CSTPP1: variants seen among roughly 807,000 people sequenced by gnomAD.
CSTPP1 encodes the protein centriolar satellite-associated tubulin polyglutamylase complex regulator 1.
chr11:47,018,632 A>G, the CSTPP1 span, among the ~76,000 whole-genome samples: 2 of 152,178 alleles, frequency 1.3e-5, no homozygotes, highest in African/African-American at 4.8e-5. Context: ...TGTTGTCCAG[A>G]GTGGCTGTAC....
chr11:46,976,185 A>G, the CSTPP1 span, among the ~76,000 whole-genome samples: 8 of 152,210 alleles, frequency 5.3e-5, no homozygotes, highest in Non-Finnish European at 8.8e-5. Context: ...ATGCTCTAAA[A>G]TTATATGCAA....
the CSTPP1 span, among the ~76,000 whole-genome samples, chr11:47,075,077 A>G: frequency 2.0e-5 from 3 of 152,230 alleles, no homozygotes; most frequent in Non-Finnish European, 4.4e-5. Flanking sequence ...AGAGCACACT[A>G]AAATTGTAAT....
chr11:47,104,474 T>C, the CSTPP1 span, among the ~76,000 whole-genome samples: 1 of 152,184 alleles, frequency 6.6e-6, no homozygotes, highest in African/African-American at 2.4e-5. Flanking sequence ...TTCACATCAT[T>C]TTGTCCTCTC....
At chr11:47,074,371 C>T in the CSTPP1 span, among the ~76,000 whole-genome samples, 1 of 151,100 alleles carries the variant, frequency 6.6e-6, no homozygotes, top group African/African-American at 2.4e-5. Flanking sequence ...CATAGTGGCT[C>T]ACGCCTCTGG....
chr11:47,097,299 C>T, the CSTPP1 span, among the ~76,000 whole-genome samples: 1 of 131,304 alleles, frequency 7.6e-6, no homozygotes, highest in African/African-American at 2.8e-5. Flanking sequence ...CCCCGCCCAG[C>T]CAGCCGCCCC....
chr11:47,138,425 A>AG, the CSTPP1 span, among the ~76,000 whole-genome samples: 1 of 152,314 alleles, frequency 6.6e-6, no homozygotes, highest in South Asian at 2.1e-4. Context: ...TCAGGGGGCA[A>AG]GGGTTGGCAG....
chr11:47,147,859 C>T, the CSTPP1 span, among the ~76,000 whole-genome samples: 1 of 152,178 alleles, frequency 6.6e-6, no homozygotes, highest in African/African-American at 2.4e-5. Context: ...AGAAAATGAA[C>T]TTATGGGTGT....
the CSTPP1 span, among the ~76,000 whole-genome samples, chr11:47,048,617 A>G: frequency 5.3e-5 from 8 of 152,070 alleles, no homozygotes; most frequent in African/African-American, 1.9e-4. Flanking sequence ...TGAGGTACTT[A>G]GAATAGGCAA....
the CSTPP1 span, among the ~76,000 whole-genome samples, chr11:47,002,491 G>T: frequency 1.3e-5 from 2 of 152,256 alleles, no homozygotes; most frequent in East Asian, 3.9e-4. Context: ...AAACTATCCA[G>T]CAGCACTTGA....
At chr11:47,161,894 G>A in the CSTPP1 span, 3 of 1,274,776 alleles carry the variant, frequency 2.4e-6, no homozygotes, top group Non-Finnish European at 3.0e-6. Context: ...CTGTGCTGAG[G>A]CCACCTTGTC....
the CSTPP1 span, among the ~76,000 whole-genome samples, chr11:47,034,585 C>T: frequency 2.0e-5 from 3 of 151,652 alleles, no homozygotes; most frequent in Non-Finnish European, 4.4e-5. Context: ...CACACCACCT[C>T]GAATTCCTGT....
chr11:47,047,477 A>C, the CSTPP1 span, among the ~76,000 whole-genome samples: 1 of 152,216 alleles, frequency 6.6e-6, no homozygotes. Flanking sequence ...GGTGCAATTC[A>C]ATAGGGAAAG....
At chr11:46,963,252 A>G in the CSTPP1 span, among the ~76,000 whole-genome samples, 118,386 of 151,666 alleles carry the variant, frequency 0.78, 47,191 homozygotes, top group African/African-American at 0.91. Context: ...TAACTGGGGG[A>G]GTTTTGTAGA....
chr11:47,017,979 A>G, the CSTPP1 span, among the ~76,000 whole-genome samples: 2 of 152,118 alleles, frequency 1.3e-5, no homozygotes, highest in Non-Finnish European at 2.9e-5. Context: ...TATACAGTAT[A>G]TAACGTTTTG....
chr11:47,161,549 G>A, the CSTPP1 span: 12 of 1,614,134 alleles, frequency 7.4e-6, no homozygotes, highest in East Asian at 2.7e-4. Context: ...TCCCCGGGTT[G>A]GCTCTCCCTG....
At chr11:47,161,116 T>C in the CSTPP1 span, 95 of 1,613,992 alleles carry the variant, frequency 5.9e-5, no homozygotes, top group African/African-American at 1.2e-3. Flanking sequence ...GTGCCCCCAA[T>C]GATCTCCTAG....
the CSTPP1 span, chr11:47,137,657 T>C: frequency 1.9e-6 from 3 of 1,614,170 alleles, no homozygotes; most frequent in Non-Finnish European, 2.5e-6. Context: ...TTGCTGACCA[T>C]GAAAGAATAT....
At chr11:47,017,936 G>A in the CSTPP1 span, among the ~76,000 whole-genome samples, 10 of 152,106 alleles carry the variant, frequency 6.6e-5, no homozygotes, top group African/African-American at 2.4e-4. Context: ...CCAAAGTGTT[G>A]GTATTACAGG....
the CSTPP1 span, among the ~76,000 whole-genome samples, chr11:46,996,315 T>A: frequency 3.4e-4 from 52 of 150,812 alleles, no homozygotes; most frequent in South Asian, 1.9e-3. Flanking sequence ...ATTTTATTTT[T>A]TTTTTTGAGA....
Sources: gnomAD v4.1 joint callset for allele counts (sites outside exome capture counted in the v4.1 genomes callset) on GRCh38, gnomAD v4.1.1 for gene constraint, MANE v1.5 for transcripts, NCBI Gene and HGNC (gene_info 2026-07-23, HGNC 2026-07-21) for gene names.